Variants in DENND1B observed in about 807,000 individuals in gnomAD.
The protein encoded by DENND1B is DENN domain containing 1B, also known as DENN domain-containing protein 1B.
In DENND1B, 59 loss-of-function variants were observed where a neutral mutation model predicts 90.1. The ratio of observed to expected loss-of-function variants is 0.65; its 90% confidence interval spans 0.53 to 0.81. The LOEUF (loss-of-function observed/expected upper bound fraction) is 0.81, where lower values mean the gene tolerates loss of function less well. Ranked by LOEUF, DENND1B falls within the 40% of genes least tolerant of loss-of-function variation. The pLI is 0.00. For missense variants in DENND1B, 862 were observed against 912.6 expected, an observed-to-expected ratio of 0.94 and a Z score of 0.71; for synonymous variants, 337 against 324.6, an observed-to-expected ratio of 1.04 and a Z score of -0.41.
chr1:197,684,370 C>T (rs149365009), intron 3 of DENND1B, among the ~76,000 whole-genome samples: 2 of 152,140 alleles, frequency 1.3e-5, no homozygotes, highest in South Asian at 4.1e-4. Context: ...AACCATTATG[C>T]CCCAACCCTA....
chr1:197,556,541 G>A (rs1571864584), intron 15 of DENND1B, among the ~76,000 whole-genome samples: 1 of 151,880 alleles, frequency 6.6e-6, no homozygotes, highest in East Asian at 1.9e-4. Flanking sequence ...TTGAGGACAA[G>A]GACCATACAT....
At chr1:197,583,748 T>C (rs1366188425) in intron 14 of DENND1B, among the ~76,000 whole-genome samples, 1 of 152,198 alleles carries the variant, frequency 6.6e-6, no homozygotes, top group Non-Finnish European at 1.5e-5. Flanking sequence ...CTGGATACTT[T>C]CCAGGATAAG....
At position 197,768,033 on chromosome 1, in the gene DENND1B, A is replaced by G. The variant is rs1655913584; in HGVS notation, c.82+4835T>C. On this transcript the variant is annotated intron_variant, in intron 2 of 22. Coordinates refer to ENST00000620048, the MANE Select transcript of DENND1B (RefSeq NM_001195215.2). The stretch of plus-strand genomic sequence containing the variant: ...CCAAATGGAAACAAGCATTTCCTAT[A>G]TCATAAGATTTTTGTGAGGCTTAAA... Among the ~76,000 whole-genome samples the G allele has an allele frequency of 2.0e-5, 3 of 152,206 alleles. 1 individual carries two copies. In the South Asian group the frequency reaches 6.2e-4, roughly 31 times the overall value.
At chr1:197,584,453 T>A (rs970443197) in intron 14 of DENND1B, among the ~76,000 whole-genome samples, 14 of 152,212 alleles carry the variant, frequency 9.2e-5, no homozygotes, top group African/African-American at 3.4e-4. Context: ...ATGTGGTTAG[T>A]GGCTACCATA....
chr1:197,759,742 C>CAAAAAAAA (rs1196523150), intron 2 of DENND1B, among the ~76,000 whole-genome samples: 1 of 38,154 alleles, frequency 2.6e-5, no homozygotes, highest in Non-Finnish European at 4.8e-5. Context: ...GACTCCGTCT[C>CAAAAAAAA]AAAAAAAAAA....
intron 15 of DENND1B, among the ~76,000 whole-genome samples, chr1:197,565,050 C>G (rs1246675780): frequency 2.6e-5 from 4 of 152,012 alleles, no homozygotes; most frequent in African/African-American, 9.7e-5. Context: ...CAATTACCAT[C>G]TCCTATCTAT....
intron 2 of DENND1B, among the ~76,000 whole-genome samples, chr1:197,769,978 CTT>C (rs747585330): frequency 1.2e-3 from 180 of 152,054 alleles, no homozygotes; most frequent in Non-Finnish European, 1.9e-3. Context: ...TTATAGCCCT[CTT>C]ATAGTTATTG....
At chr1:197,534,647 A>G (rs1218047126) in intron 20 of DENND1B, among the ~76,000 whole-genome samples, 1 of 152,214 alleles carries the variant, frequency 6.6e-6, no homozygotes, top group Non-Finnish European at 1.5e-5. Context: ...CTGCCTTAAA[A>G]CTTACCTAAT....
rs769021389 is a variant in DENND1B at position 197,714,997 on chromosome 1, C to CT, written c.126+33dup. 11 of 1,547,318 alleles carry CT rather than the reference C, an allele frequency of 7.1e-6. No homozygotes were observed. The Admixed American group carries it at 1.3e-4, about 19-fold the overall frequency. ...AGTAGCAACAATCATAATACTTCAA[C>CT]TTTAAATTTTTTAAAAAATTATGTG... On this transcript the variant is annotated intron_variant, in intron 3 of 22. Transcript: ENST00000620048.
intron 6 of DENND1B, among the ~76,000 whole-genome samples, 174 bp downstream of exon 6, chr1:197,658,126 G>C (rs1328467676): frequency 6.6e-6 from 1 of 152,070 alleles, no homozygotes; most frequent in African/African-American, 2.4e-5. Flanking sequence ...CTGTTTAATG[G>C]ATACAGACAG....
chr1:197,646,683 T>C (rs1368531672), intron 8 of DENND1B, among the ~76,000 whole-genome samples: 1 of 151,980 alleles, frequency 6.6e-6, no homozygotes, highest in Non-Finnish European at 1.5e-5. Flanking sequence ...TCTATAATTT[T>C]CCAGGGTAGA....
At chr1:197,543,367 G>A (rs1670486175) in intron 18 of DENND1B, among the ~76,000 whole-genome samples, 1 of 152,050 alleles carries the variant, frequency 6.6e-6, no homozygotes, top group Admixed American at 6.5e-5. Flanking sequence ...CTTCATTGCT[G>A]CGCTTTTGTG....
At chr1:197,574,796 C>T (rs767313090) in intron 15 of DENND1B, among the ~76,000 whole-genome samples, 16 of 152,278 alleles carry the variant, frequency 1.1e-4, no homozygotes, top group Non-Finnish European at 1.9e-4. Flanking sequence ...CACACAACTA[C>T]AACCATCTGA....
At chr1:197,626,771 T>C (rs1678781940) in intron 10 of DENND1B, among the ~76,000 whole-genome samples, 1 of 151,848 alleles carries the variant, frequency 6.6e-6, no homozygotes, top group Non-Finnish European at 1.5e-5. Flanking sequence ...ACAAAATTGA[T>C]AGACCGCTAG....
intron 2 of DENND1B, among the ~76,000 whole-genome samples, chr1:197,757,101 T>G (rs1179944052): frequency 6.6e-6 from 1 of 152,008 alleles, no homozygotes; most frequent in African/African-American, 2.4e-5. Flanking sequence ...TTTGCTTAAA[T>G]TATATTAAAA....
At chr1:197,528,886 C>T (rs1669346892) in intron 20 of DENND1B, among the ~76,000 whole-genome samples, 1 of 151,436 alleles carries the variant, frequency 6.6e-6, no homozygotes, top group Admixed American at 6.6e-5. Flanking sequence ...CTTATTTGTG[C>T]ATTCAAAAGA....
At chr1:197,759,309 AAATT>A (rs1423335041) in intron 2 of DENND1B, among the ~76,000 whole-genome samples, 1 of 151,680 alleles carries the variant, frequency 6.6e-6, no homozygotes, top group Non-Finnish European at 1.5e-5. Flanking sequence ...CAAATAAAAG[AAATT>A]AATATAAAAT....
intron 15 of DENND1B, among the ~76,000 whole-genome samples, chr1:197,573,908 A>T (rs1249902698): frequency 1.3e-5 from 2 of 152,182 alleles, no homozygotes; most frequent in Non-Finnish European, 2.9e-5. Context: ...ACATCCCTTC[A>T]TGCTAAAAAC....
Position 197,509,601 on chromosome 1 carries a change from A to T in DENND1B, c.*859T>A, listed in dbSNP as rs1667887223. ...TGAGATGATGATATGAAGCATTTTG[A>T]TAGAGAATTATTAGTTAAAAAAAGA... On this transcript the variant is annotated 3_prime_UTR_variant, in exon 23 of 23. Transcript: ENST00000620048. The T allele has an allele frequency of 6.7e-6, 1 of 150,202 alleles. No homozygotes were observed. Among genetic ancestry groups the T allele is most frequent in the African/African-American group, 2.5e-5 (1 of 40,658 alleles). The allele number at this position is 150,202 out of a possible 1,614,324, so 9.3% of individuals were successfully genotyped here.
Sources: gnomAD v4.1 joint callset for allele counts (sites outside exome capture counted in the v4.1 genomes callset) on GRCh38, gnomAD v4.1.1 for gene constraint, MANE v1.5 for transcripts, NCBI Gene and HGNC (gene_info 2026-07-23, HGNC 2026-07-21) for gene names.